The following DLGAP2 variants were observed in gnomAD, a reference collection of about 807,000 sequenced individuals.
DLGAP2 encodes the protein disks large-associated protein 2.
DLGAP2 carries 26 observed loss-of-function variants against 100.3 expected under a neutral mutation model. That is an observed-to-expected ratio of 0.26 (90% CI 0.19 to 0.36). The LOEUF is 0.36. Among genes scored for constraint, DLGAP2 ranks in the 10% least tolerant of loss-of-function variants. The pLI, the probability that DLGAP2 is intolerant of heterozygous loss-of-function variation, is 1.00. For synonymous variants in DLGAP2, 886 were observed against 630.1 expected, an observed-to-expected ratio of 1.41 and a Z score of -6.08; for missense variants, 1,858 against 1,453.2, an observed-to-expected ratio of 1.28 and a Z score of -4.53.
chr8:1,483,382 C>T (rs1478990361), intron 3 of DLGAP2, among the ~76,000 whole-genome samples: 4 of 152,146 alleles, frequency 2.6e-5, no homozygotes, highest in African/African-American at 9.7e-5. Flanking sequence ...CCAGGCGCCA[C>T]GTGGAGATGA....
At chr8:1,005,413 T>TTG (rs35361319) in intron 2 of DLGAP2, among the ~76,000 whole-genome samples, 52,836 of 144,326 alleles carry the variant, frequency 0.37, 9,906 homozygotes, top group Admixed American at 0.4. Flanking sequence ...TTGTTTTTTT[T>TTG]TTTTTTTTTT....
At chr8:1,376,255 T>C (rs1802384621) in intron 3 of DLGAP2, among the ~76,000 whole-genome samples, 1 of 152,238 alleles carries the variant, frequency 6.6e-6, no homozygotes, top group Non-Finnish European at 1.5e-5. Context: ...CGGGACGTGC[T>C]GTCTCATAGC....
At chr8:1,093,250 C>T (rs1321731451) in intron 2 of DLGAP2, among the ~76,000 whole-genome samples, 2 of 152,018 alleles carry the variant, frequency 1.3e-5, no homozygotes, top group African/African-American at 4.8e-5. Flanking sequence ...CACCTTCACA[C>T]CCGCAGCCAG....
chr8:1,284,206 G>C (rs1157189319), intron 3 of DLGAP2, among the ~76,000 whole-genome samples: 9 of 152,246 alleles, frequency 5.9e-5, no homozygotes, highest in Non-Finnish European at 1.3e-4. Flanking sequence ...GTGGTTGCCA[G>C]TGGTCATTTA....
At chr8:1,477,878 A>T (rs1277457472) in intron 3 of DLGAP2, among the ~76,000 whole-genome samples, 1 of 151,562 alleles carries the variant, frequency 6.6e-6, no homozygotes, top group Non-Finnish European at 1.5e-5. Context: ...CGGTGTCGGG[A>T]TGGCAGAGTG....
intron 3 of DLGAP2, among the ~76,000 whole-genome samples, chr8:1,490,077 A>T (rs921279249): frequency 6.6e-6 from 1 of 151,810 alleles, no homozygotes; most frequent in Admixed American, 6.6e-5. Context: ...CATTTTTAGT[A>T]GACAGGGTTT....
At chr8:1,231,720 A>G (rs1798539876) in intron 2 of DLGAP2, among the ~76,000 whole-genome samples, 3 of 152,196 alleles carry the variant, frequency 2.0e-5, no homozygotes, top group African/African-American at 4.8e-5. Flanking sequence ...AAGAACTAAC[A>G]CAGGAACAGA....
Position 1,567,996 on chromosome 8 carries a change from G to T in DLGAP2, c.1442+2102G>T, listed in dbSNP as rs528489519. Among the ~76,000 whole-genome samples the T allele has an allele frequency of 6.6e-4, 100 of 152,216 alleles. 1 individual carries two copies. In the Middle Eastern group the frequency reaches 0.01, roughly 16 times the overall value. On this transcript the variant is annotated intron_variant, in intron 6 of 14. Transcript: ENST00000637795. The stretch of plus-strand genomic sequence containing the variant: ...CCTGTTCTAAACACAAATCCACTCT[G>T]CCCGTGGACCCCCATGCCACTGTCC...
intron 3 of DLGAP2, among the ~76,000 whole-genome samples, chr8:1,313,410 C>G (rs924294975): frequency 6.6e-6 from 1 of 152,172 alleles, no homozygotes; most frequent in Non-Finnish European, 1.5e-5. Context: ...CTCCGGTTGT[C>G]TGCACATGTG....
intron 3 of DLGAP2, among the ~76,000 whole-genome samples, chr8:1,334,014 G>A (rs1292559687): frequency 2.0e-5 from 3 of 152,224 alleles, no homozygotes; most frequent in African/African-American, 7.2e-5. Context: ...CGGGGAAGAG[G>A]CTTCCTTGCG....
intron 1 of DLGAP2, among the ~76,000 whole-genome samples, chr8:857,794 C>A (rs1797308790): frequency 6.6e-6 from 1 of 152,162 alleles, no homozygotes; most frequent in South Asian, 2.1e-4. Flanking sequence ...GCACATTTGC[C>A]ATGCCGTCTA....
At chr8:983,782 A>G (rs953733714) in intron 2 of DLGAP2, among the ~76,000 whole-genome samples, 5 of 152,038 alleles carry the variant, frequency 3.3e-5, no homozygotes, top group Non-Finnish European at 5.9e-5. Flanking sequence ...AGCTGGGACT[A>G]TATATAGGTG....
intron 2 of DLGAP2, among the ~76,000 whole-genome samples, chr8:964,160 T>C (rs1219474751): frequency 6.6e-6 from 1 of 152,204 alleles, no homozygotes; most frequent in South Asian, 2.1e-4. Context: ...CAGGGAGACA[T>C]AAAGCTGTTT....
intron 2 of DLGAP2, among the ~76,000 whole-genome samples, chr8:1,222,368 C>T (rs1226996554): frequency 6.6e-6 from 1 of 152,172 alleles, no homozygotes; most frequent in Admixed American, 6.5e-5. Context: ...GCTCAGCACC[C>T]AGGGGCTGCA....
At chr8:848,757 G>A (rs1479912570) in intron 1 of DLGAP2, among the ~76,000 whole-genome samples, 11 of 142,364 alleles carry the variant, frequency 7.7e-5, no homozygotes, top group Non-Finnish European at 1.7e-4. Context: ...GTGTAGGGTC[G>A]TGCGGTGCGT....
At chr8:831,787 C>T (rs997425432) in intron 1 of DLGAP2, among the ~76,000 whole-genome samples, 5 of 152,280 alleles carry the variant, frequency 3.3e-5, no homozygotes, top group South Asian at 2.1e-4. Context: ...TAGGAATGGC[C>T]ACACTGTCTT....
At chr8:1,700,963 C>G (rs1226226548) in intron 14 of DLGAP2, among the ~76,000 whole-genome samples, 2 of 152,216 alleles carry the variant, frequency 1.3e-5, no homozygotes, top group Non-Finnish European at 2.9e-5. Flanking sequence ...CGCCTCTGCC[C>G]CCTTTGGAGA....
chr8:1,210,652 C>G (rs915180866), intron 2 of DLGAP2, among the ~76,000 whole-genome samples: 4 of 152,142 alleles, frequency 2.6e-5, no homozygotes, highest in Admixed American at 1.3e-4. Flanking sequence ...TGGCTACTGC[C>G]TTGGGAATAT....
At chr8:1,023,449 G>C (rs1289485606) in intron 2 of DLGAP2, among the ~76,000 whole-genome samples, 1 of 152,138 alleles carries the variant, frequency 6.6e-6, no homozygotes, top group Non-Finnish European at 1.5e-5. Context: ...CATGACCTGA[G>C]CCTCCCCTGT....
Sources: allele counts gnomAD v4.1 joint callset (sites outside exome capture counted in the v4.1 genomes callset), GRCh38; gene constraint gnomAD v4.1.1; transcripts MANE v1.5; gene names NCBI Gene and HGNC (gene_info 2026-07-23, HGNC 2026-07-21).